MAGI2: variants seen among roughly 807,000 people sequenced by gnomAD.
The protein encoded by MAGI2 is membrane associated guanylate kinase, WW and PDZ domain containing 2.
A neutral mutation model predicts 133.3 loss-of-function variants in MAGI2; 35 were observed. That is an observed-to-expected ratio of 0.26 (90% CI 0.20 to 0.35). MAGI2 has a LOEUF of 0.35. Among genes scored for constraint, MAGI2 ranks in the 10% least tolerant of loss-of-function variants. The pLI is 1.00. For synonymous variants in MAGI2, 729 were observed against 710.6 expected (o/e 1.03, Z -0.41); for missense variants, 1,636 against 1,863.4 (o/e 0.88, Z 2.25).
chr7:78,139,666 T>A (rs79881348), intron 16 of MAGI2, among the ~76,000 whole-genome samples: 1 of 152,220 alleles, frequency 6.6e-6, no homozygotes. Context: ...GGATCAGTCG[T>A]CTTGACACAG....
chr7:78,667,899 T>C (rs1209637986), intron 2 of MAGI2, among the ~76,000 whole-genome samples: 6 of 152,324 alleles, frequency 3.9e-5, no homozygotes, highest in East Asian at 1.9e-4. Flanking sequence ...CCTTTGGGTA[T>C]ACACCCAGTA....
intron 3 of MAGI2, among the ~76,000 whole-genome samples, chr7:78,573,284 TTATATAAATATATATATTTATA>T (rs1409650164): frequency 1.5e-4 from 4 of 26,874 alleles, no homozygotes; most frequent in Non-Finnish European, 2.3e-4. Flanking sequence ...ATATATATAT[TTATATAAATATATATATTTATA>T]TATATAAATA....
intron 3 of MAGI2, among the ~76,000 whole-genome samples, chr7:78,596,329 G>C (rs1276070245): frequency 6.6e-6 from 1 of 152,120 alleles, no homozygotes; most frequent in Non-Finnish European, 1.5e-5. Flanking sequence ...ATGAAGTGTA[G>C]TTCCTTTTTA....
At chr7:78,278,763 G>C (rs1459642574) in intron 9 of MAGI2, among the ~76,000 whole-genome samples, 1 of 152,154 alleles carries the variant, frequency 6.6e-6, no homozygotes, top group African/African-American at 2.4e-5. Flanking sequence ...CAAAACTGAA[G>C]CATCAGTTCC....
intron 2 of MAGI2, among the ~76,000 whole-genome samples, chr7:78,890,263 C>G (rs2151566772): frequency 6.6e-6 from 1 of 152,230 alleles, no homozygotes; most frequent in East Asian, 1.9e-4. Context: ...CTTAGACAAC[C>G]ACACAATAAT....
intron 2 of MAGI2, among the ~76,000 whole-genome samples, chr7:78,779,755 C>G (rs536790444): frequency 6.6e-6 from 1 of 152,184 alleles, no homozygotes; most frequent in Admixed American, 6.5e-5. Context: ...GTCCATGATA[C>G]TGGGAAGTGA....
At chr7:78,332,211 A>G (rs1012444482) in intron 9 of MAGI2, among the ~76,000 whole-genome samples, 2 of 152,226 alleles carry the variant, frequency 1.3e-5, no homozygotes, top group African/African-American at 4.8e-5. Context: ...AAAAGACAGA[A>G]ATGAGAATAA....
At chr7:78,130,407 G>A (rs576029466) in intron 18 of MAGI2, among the ~76,000 whole-genome samples, 1 of 152,040 alleles carries the variant, frequency 6.6e-6, no homozygotes, top group Non-Finnish European at 1.5e-5. Flanking sequence ...CATGTAGGTG[G>A]GCACTTCTTA....
intron 16 of MAGI2, among the ~76,000 whole-genome samples, chr7:78,145,664 G>C (rs560469398): frequency 6.6e-6 from 1 of 152,154 alleles, no homozygotes; most frequent in Non-Finnish European, 1.5e-5. Flanking sequence ...CTTGCCAGAT[G>C]CTGGCACCTT....
chr7:79,310,386 G>T (rs976630807), intron 1 of MAGI2, among the ~76,000 whole-genome samples: 1 of 151,984 alleles, frequency 6.6e-6, no homozygotes, highest in Non-Finnish European at 1.5e-5. Context: ...AATTTAGTGT[G>T]CATCAGAATC....
Position 78,651,351 on chromosome 7 carries a change from GT to G in MAGI2, c.419-24113del, listed in dbSNP as rs550867267. On this transcript the variant is annotated intron_variant, in intron 2 of 21. Coordinates refer to ENST00000354212, the MANE Select transcript of MAGI2 (RefSeq NM_012301.4). ...TACTTGGATAATAGAGATGAGGTAA[GT>G]TTTTTTTTTTCCATTAATTCCTTCA... Among the ~76,000 whole-genome samples the G allele has an allele frequency of 3.5e-3, 516 of 148,276 alleles. 1 individual carries two copies. The highest frequency in any genetic ancestry group is 5.5e-3 in the Non-Finnish European group (364 of 66,768).
At chr7:78,875,804 C>T (rs1403405949) in intron 2 of MAGI2, among the ~76,000 whole-genome samples, 1 of 151,906 alleles carries the variant, frequency 6.6e-6, no homozygotes, top group Non-Finnish European at 1.5e-5. Context: ...AGCAGCTGGT[C>T]TAAATATGTT....
chr7:79,125,062 G>A (rs949618354), intron 1 of MAGI2: 4 of 219,332 alleles, frequency 1.8e-5, no homozygotes, highest in South Asian at 7.0e-5. Context: ...ATTTGTAGGC[G>A]CCATTAAAGA....
intron 1 of MAGI2, among the ~76,000 whole-genome samples, chr7:79,037,139 C>T (rs1376105531): frequency 1.3e-5 from 2 of 152,084 alleles, no homozygotes; most frequent in Non-Finnish European, 2.9e-5. Flanking sequence ...TCACTCCCTT[C>T]GTTTATGTAA....
At chr7:78,111,406 C>T (rs1188238066) in intron 20 of MAGI2, among the ~76,000 whole-genome samples, 1 of 152,184 alleles carries the variant, frequency 6.6e-6, no homozygotes, top group Non-Finnish European at 1.5e-5. Flanking sequence ...CAATCTCAGC[C>T]CTTTGATTCC....
intron 1 of MAGI2, among the ~76,000 whole-genome samples, chr7:79,339,697 G>A (rs979084312): frequency 2.6e-5 from 4 of 152,052 alleles, no homozygotes; most frequent in African/African-American, 4.8e-5. Flanking sequence ...TCTCTAGTAC[G>A]TGAGCAGTAT....
At chr7:79,198,123 C>CA (rs1828253784) in intron 1 of MAGI2, among the ~76,000 whole-genome samples, 1 of 151,846 alleles carries the variant, frequency 6.6e-6, no homozygotes, top group Admixed American at 6.6e-5. Flanking sequence ...CAAAGTGGTG[C>CA]ATGCTTCTGG....
intron 1 of MAGI2, among the ~76,000 whole-genome samples, chr7:79,098,766 G>A (rs575441392): frequency 1.4e-4 from 21 of 152,268 alleles, no homozygotes; most frequent in African/African-American, 5.1e-4. Context: ...CTGTCTGGCA[G>A]CCAGAGCCCT....
At chr7:79,368,495 T>C (rs1037088294) in intron 1 of MAGI2, among the ~76,000 whole-genome samples, 1 of 152,142 alleles carries the variant, frequency 6.6e-6, no homozygotes, top group African/African-American at 2.4e-5. Context: ...TTCAGAAGAC[T>C]AGGGAAAAAA....
Sources: gnomAD v4.1 joint callset for allele counts (sites outside exome capture counted in the v4.1 genomes callset) on GRCh38, gnomAD v4.1.1 for gene constraint, MANE v1.5 for transcripts, NCBI Gene and HGNC (gene_info 2026-07-23, HGNC 2026-07-21) for gene names.